The following C12orf54 variants were observed in gnomAD, a reference collection of about 807,000 sequenced individuals.
The protein encoded by C12orf54 is uncharacterized protein C12orf54.
C12orf54 carries 24 observed loss-of-function variants against 26.4 expected under a neutral mutation model. The ratio of observed to expected loss-of-function variants is 0.91; its 90% CI spans 0.66 to 1.28. The LOEUF (loss-of-function observed/expected upper bound fraction) is 1.28. C12orf54 is among the 50% of genes most tolerant of loss of function. The probability of loss-of-function intolerance (pLI) is 0.00; values close to 1 mark genes in which losing one functional copy is unlikely to be tolerated. For missense variants in C12orf54, 154 were observed against 150.9 expected (o/e 1.02, Z -0.11); for synonymous variants, 54 against 47.0 (o/e 1.15, Z -0.61).
intron 8 of C12orf54, chr12:48,495,646 T>C (rs1565574444): frequency 2.6e-5 from 4 of 152,558 alleles, no homozygotes; most frequent in Admixed American, 2.0e-4. Context: ...TATATGGCCT[T>C]CTCTAGGGCT....
chr12:48,419,554 G>C, the C12orf54 span, among the ~76,000 whole-genome samples: 1 of 152,130 alleles, frequency 6.6e-6, no homozygotes, highest in Non-Finnish European at 1.5e-5. Context: ...TTAGTGAATA[G>C]AGAAATAAAA....
At chr12:48,470,322 G>T in the C12orf54 span, among the ~76,000 whole-genome samples, 7 of 152,188 alleles carry the variant, frequency 4.6e-5, no homozygotes. Flanking sequence ...CAATGTAGAA[G>T]TGTTGTCTTT....
chr12:48,434,515 T>C, the C12orf54 span, among the ~76,000 whole-genome samples: 1 of 152,122 alleles, frequency 6.6e-6, no homozygotes, highest in Non-Finnish European at 1.5e-5. Flanking sequence ...CATCCCCCAG[T>C]AGGAGGGGAC....
At chr12:48,484,777 A>G (rs1390147272) in intron 2 of C12orf54, among the ~76,000 whole-genome samples, 1 of 152,256 alleles carries the variant, frequency 6.6e-6, no homozygotes, top group African/African-American at 2.4e-5. Flanking sequence ...GAGGTGATGG[A>G]TATCCTAAAT....
intron 6 of C12orf54, 131 bp from the exon 7 acceptor site, chr12:48,492,816 G>A: frequency 1.4e-6 from 1 of 733,636 alleles, no homozygotes; most frequent in Non-Finnish European, 2.4e-6. Flanking sequence ...GGCCTGTTAG[G>A]TGGTCAGTGT....
At chr12:48,474,562 T>A in the C12orf54 span, among the ~76,000 whole-genome samples, 2 of 152,118 alleles carry the variant, frequency 1.3e-5, no homozygotes, top group Non-Finnish European at 1.5e-5. Flanking sequence ...GCTTTTCCAA[T>A]GGGCTTAAAA....
chr12:48,421,512 CTTTTTTT>C, the C12orf54 span, among the ~76,000 whole-genome samples: 1 of 43,450 alleles, frequency 2.3e-5, no homozygotes. Context: ...ATATCATGTG[CTTTTTTT>C]TTTTTTTTTT....
chr12:48,435,079 G>C, the C12orf54 span, among the ~76,000 whole-genome samples: 2 of 152,184 alleles, frequency 1.3e-5, no homozygotes, highest in Non-Finnish European at 2.9e-5. Flanking sequence ...ACCTGATGGA[G>C]CTGAAAACTA....
chr12:48,473,591 T>C, the C12orf54 span: 2 of 285,906 alleles, frequency 7.0e-6, no homozygotes, highest in Admixed American at 8.8e-5. Flanking sequence ...GAGGAGGGGG[T>C]GGAATAAAAT....
the C12orf54 span, among the ~76,000 whole-genome samples, chr12:48,425,202 T>C: frequency 3.3e-5 from 5 of 152,070 alleles, no homozygotes; most frequent in African/African-American, 1.2e-4. Flanking sequence ...TAGTACCCAA[T>C]AGTTATTTTT....
At chr12:48,441,727 T>C in the C12orf54 span, among the ~76,000 whole-genome samples, 2 of 152,324 alleles carry the variant, frequency 1.3e-5, no homozygotes, top group South Asian at 4.1e-4. Context: ...TAAATACATA[T>C]CCTTGTAATA....
At chr12:48,479,134 T>A (rs1168556212), upstream of C12orf54, among the ~76,000 whole-genome samples, 1 of 152,138 alleles carries the variant, frequency 6.6e-6, no homozygotes, top group Non-Finnish European at 1.5e-5. Flanking sequence ...AATGATAGAC[T>A]GGATTAAGAA....
chr12:48,484,304 T>A (rs1470895480), intron 2 of C12orf54, among the ~76,000 whole-genome samples: 1 of 152,202 alleles, frequency 6.6e-6, no homozygotes, highest in Non-Finnish European at 1.5e-5. Flanking sequence ...AGTGAGGAAT[T>A]GAGAAGACTG....
the C12orf54 span, among the ~76,000 whole-genome samples, chr12:48,439,203 A>G: frequency 6.6e-6 from 1 of 152,226 alleles, no homozygotes; most frequent in Non-Finnish European, 1.5e-5. Flanking sequence ...ATGAGATACC[A>G]TCTCACACCA....
the C12orf54 span, among the ~76,000 whole-genome samples, chr12:48,431,932 A>G: frequency 6.6e-6 from 1 of 152,178 alleles, no homozygotes; most frequent in African/African-American, 2.4e-5. Context: ...GAAACCATTG[A>G]CTTGTGCACT....
chr12:48,419,196 C>A, the C12orf54 span, among the ~76,000 whole-genome samples: 3 of 152,168 alleles, frequency 2.0e-5, no homozygotes, highest in Admixed American at 2.0e-4. Flanking sequence ...GAAATGCAGG[C>A]TTTTTGCTCC....
chr12:48,489,778 G>C (rs1029750832), intron 5 of C12orf54, among the ~76,000 whole-genome samples: 1 of 150,072 alleles, frequency 6.7e-6, no homozygotes, highest in African/African-American at 2.5e-5. Context: ...CTAGAGTGTA[G>C]TAGCACGATC....
chr12:48,415,616 C>T, the C12orf54 span, among the ~76,000 whole-genome samples: 109 of 152,246 alleles, frequency 7.2e-4, no homozygotes, highest in African/African-American at 2.1e-3. Flanking sequence ...GGTGGATCAT[C>T]CTCAGCTTGA....
chr12:48,452,464 CA>C, the C12orf54 span, among the ~76,000 whole-genome samples: 3 of 151,350 alleles, frequency 2.0e-5, no homozygotes, highest in Non-Finnish European at 3.0e-5. Context: ...GCAATTGCAA[CA>C]AAAGCAAAAA....
Sources: allele counts gnomAD v4.1 joint callset (sites outside exome capture counted in the v4.1 genomes callset), GRCh38; gene constraint gnomAD v4.1.1; transcripts MANE v1.5; gene names NCBI Gene and HGNC (gene_info 2026-07-23, HGNC 2026-07-21).